NRXN3: variants seen among roughly 807,000 people sequenced by gnomAD.
The protein encoded by NRXN3 is neurexin III.
Under a neutral mutation model 137.6 loss-of-function variants are expected in NRXN3, and 32 were observed. That is an observed-to-expected ratio of 0.23 (90% CI 0.18 to 0.31). The LOEUF is 0.31. Among genes scored for constraint, NRXN3 ranks in the 10% least tolerant of loss-of-function variants. The pLI is 1.00. For synonymous variants in NRXN3, 798 were observed against 784.5 expected, an observed-to-expected ratio of 1.02 and a Z score of -0.29; for missense variants, 1,574 against 2,062.5, an observed-to-expected ratio of 0.76 and a Z score of 4.59.
intron 20 of NRXN3, among the ~76,000 whole-genome samples, chr14:79,825,206 C>T (rs1180523856): frequency 2.1e-4 from 25 of 117,780 alleles, no homozygotes; most frequent in South Asian, 5.6e-4. Flanking sequence ...TCTTTGTGTG[C>T]TTTTTTTTTT....
At chr14:78,521,672 A>G (rs2096286075) in intron 4 of NRXN3, among the ~76,000 whole-genome samples, 1 of 152,182 alleles carries the variant, frequency 6.6e-6, no homozygotes. Context: ...TATCTTTACA[A>G]AAACATATAA....
intron 10 of NRXN3, among the ~76,000 whole-genome samples, chr14:78,823,772 T>C (rs1002874492): frequency 6.6e-6 from 1 of 152,040 alleles, no homozygotes; most frequent in African/African-American, 2.4e-5. Flanking sequence ...GAGTCATGAA[T>C]ATTTACGGAG....
At chr14:78,524,999 A>G (rs1416798876) in intron 4 of NRXN3, among the ~76,000 whole-genome samples, 1 of 152,164 alleles carries the variant, frequency 6.6e-6, no homozygotes, top group African/African-American at 2.4e-5. Context: ...TCTTAACGGC[A>G]TGTGTTCCAT....
rs553362469 is a variant in NRXN3, at chr14:78,895,148, G to A, written c.2276-62094G>A. 4.6e-5 allele frequency among the ~76,000 whole-genome samples: 7 copies of A among 151,836 alleles called. No homozygotes were observed. In the South Asian group the frequency reaches 1.2e-3, roughly 27 times the overall value. ...CCGCCCTTTGAAGTCAGGTATTGAT[G>A]TCTCCTCTGTAGCTATAAAGGTCCT... On this transcript the variant is annotated intron_variant, in intron 10 of 20. Coordinates refer to ENST00000335750, the MANE Select transcript of NRXN3 (RefSeq NM_001330195.2).
chr14:79,041,834 G>C (rs150602704), intron 15 of NRXN3, among the ~76,000 whole-genome samples: 18 of 152,236 alleles, frequency 1.2e-4, no homozygotes, highest in African/African-American at 3.4e-4. Flanking sequence ...ATGATTCTGG[G>C]ATTAGCCAGA....
At chr14:79,538,340 T>C (rs887567069) in intron 16 of NRXN3, among the ~76,000 whole-genome samples, 1 of 152,236 alleles carries the variant, frequency 6.6e-6, no homozygotes, top group African/African-American at 2.4e-5. Flanking sequence ...CCATTGCTTT[T>C]TGTGTTTTAG....
intron 2 of NRXN3, among the ~76,000 whole-genome samples, chr14:78,247,739 G>C (rs1056880345): frequency 6.6e-6 from 1 of 152,222 alleles, no homozygotes; most frequent in African/African-American, 2.4e-5. Flanking sequence ...ACTCCCTCCA[G>C]AGAGCGGTCC....
At chr14:78,405,123 C>A (rs2092393006) in intron 4 of NRXN3, among the ~76,000 whole-genome samples, 1 of 152,180 alleles carries the variant, frequency 6.6e-6, no homozygotes, top group Admixed American at 6.5e-5. Context: ...ACTGTAACTT[C>A]ATTTAAGCAT....
chr14:78,490,299 A>G (rs1397077405), intron 4 of NRXN3, among the ~76,000 whole-genome samples: 1 of 152,136 alleles, frequency 6.6e-6, no homozygotes, highest in East Asian at 1.9e-4. Context: ...GACTTTGGAC[A>G]TGACGCTAGG....
chr14:78,911,716 C>A (rs895566597), intron 10 of NRXN3, among the ~76,000 whole-genome samples: 2 of 152,052 alleles, frequency 1.3e-5, no homozygotes, highest in Non-Finnish European at 2.9e-5. Flanking sequence ...GTGTTTACAG[C>A]AACTTGCCAC....
intron 8 of NRXN3, among the ~76,000 whole-genome samples, chr14:78,735,133 A>G (rs1401827343): frequency 6.6e-6 from 1 of 152,166 alleles, no homozygotes; most frequent in Non-Finnish European, 1.5e-5. Context: ...TGAATTTGAG[A>G]TATTTATAGA....
Position 79,372,297 on chromosome 14 carries a change from T to A in NRXN3, c.3263-94924T>A, listed in dbSNP as rs1344694465. Among the ~76,000 whole-genome samples, 3 of 152,270 alleles carry A rather than the reference T, an allele frequency of 2.0e-5. No individual in the cohort carries two copies. In the East Asian group the frequency reaches 5.8e-4, roughly 29 times the overall value. ...CGAAGATTGATTAGAAAGATAAATT[T>A]CGGCACACAGGGTCTCTGTTCTTGT... On this transcript the variant is annotated intron_variant, in intron 15 of 20. Coordinates refer to ENST00000335750, the MANE Select transcript of NRXN3 (RefSeq NM_001330195.2).
intron 16 of NRXN3, among the ~76,000 whole-genome samples, chr14:79,589,165 G>A (rs1288332997): frequency 6.6e-6 from 1 of 152,130 alleles, no homozygotes; most frequent in Non-Finnish European, 1.5e-5. Flanking sequence ...TGACGTAGGA[G>A]GATTGCTTGA....
intron 4 of NRXN3, among the ~76,000 whole-genome samples, chr14:78,402,608 G>GC (rs2092177469): frequency 6.6e-6 from 1 of 152,134 alleles, no homozygotes; most frequent in Non-Finnish European, 1.5e-5. Flanking sequence ...ACAGTTTAGG[G>GC]TCTACTCTGA....
intron 15 of NRXN3, among the ~76,000 whole-genome samples, chr14:79,282,982 C>A (rs576610920): frequency 9.9e-4 from 151 of 152,298 alleles, no homozygotes; most frequent in Admixed American, 2.2e-3. Flanking sequence ...AGCTGTGACC[C>A]TTTGCGTCTC....
intron 16 of NRXN3, among the ~76,000 whole-genome samples, chr14:79,636,216 A>G (rs2153949717): frequency 6.6e-6 from 1 of 152,320 alleles, no homozygotes; most frequent in East Asian, 1.9e-4. Context: ...TTAGGACTTC[A>G]ACATATCTTT....
intron 4 of NRXN3, among the ~76,000 whole-genome samples, chr14:78,488,936 T>C (rs947385127): frequency 6.6e-6 from 1 of 152,020 alleles, no homozygotes; most frequent in African/African-American, 2.4e-5. Flanking sequence ...GAAATTAGTG[T>C]AGGTAGCACT....
intron 8 of NRXN3, among the ~76,000 whole-genome samples, chr14:78,772,798 G>A (rs1232115820): frequency 1.3e-5 from 2 of 152,004 alleles, no homozygotes; most frequent in Non-Finnish European, 2.9e-5. Context: ...ATCAGAGAGG[G>A]GCAGAATCAC....
intron 6 of NRXN3, among the ~76,000 whole-genome samples, chr14:78,656,755 G>GT (rs2097787369): frequency 6.6e-6 from 1 of 152,044 alleles, no homozygotes; most frequent in African/African-American, 2.4e-5. Context: ...AGAAATGGTG[G>GT]TCCCTCGGCC....
Sources: allele counts gnomAD v4.1 joint callset (sites outside exome capture counted in the v4.1 genomes callset), GRCh38; gene constraint gnomAD v4.1.1; transcripts MANE v1.5; gene names NCBI Gene and HGNC (gene_info 2026-07-23, HGNC 2026-07-21).